SGCZ: variants seen among roughly 807,000 people sequenced by gnomAD.
SGCZ encodes the protein zeta-sarcoglycan.
Under a neutral mutation model 41.3 loss-of-function variants are expected in SGCZ, and 40 were observed. The ratio of observed to expected loss-of-function variants is 0.97; its 90% confidence interval spans 0.75 to 1.26. SGCZ has a LOEUF of 1.26. SGCZ is among the 50% of genes most tolerant of loss of function. The pLI, the probability that SGCZ is intolerant of heterozygous loss-of-function variation, is 0.00. For synonymous variants in SGCZ, 206 were observed against 137.5 expected (o/e 1.50, Z -3.49); for missense variants, 552 against 369.8 (o/e 1.49, Z -4.04).
rs543529831 is a variant in SGCZ, at chr8:14,402,609, C to T, written c.235-78405G>A. ...AGATCAGATAGTTGTAGATATGTGGCGTTATTTCTGAGGGCTCTGTTCTGT... is the reference window on the plus strand; with the variant it reads ...AGATCAGATAGTTGTAGATATGTGGTGTTATTTCTGAGGGCTCTGTTCTGT... On this transcript the variant is annotated intron_variant, in intron 2 of 7. Transcript: ENST00000382080. Among the ~76,000 whole-genome samples the T allele has an allele frequency of 3.2e-4, 46 of 142,270 alleles. 2 individuals are homozygous for T. The South Asian group carries it at 7.7e-3, about 24-fold the overall frequency. The allele number at this position is 142,270 out of a possible 152,430, so 93.3% of individuals were successfully genotyped here.
intron 5 of SGCZ, among the ~76,000 whole-genome samples, chr8:14,129,978 G>A (rs1209046607): frequency 6.6e-6 from 1 of 152,090 alleles, no homozygotes; most frequent in African/African-American, 2.4e-5. Flanking sequence ...GTGCAGATAT[G>A]GAAAACGTGA....
intron 3 of SGCZ, among the ~76,000 whole-genome samples, chr8:14,245,746 C>CA (rs965488196): frequency 4.6e-5 from 7 of 151,702 alleles, no homozygotes; most frequent in Admixed American, 2.0e-4. Flanking sequence ...AACAAATTTA[C>CA]AAAAAAAACC....
At chr8:14,716,602 A>G (rs1809697979) in intron 1 of SGCZ, among the ~76,000 whole-genome samples, 2 of 152,074 alleles carry the variant, frequency 1.3e-5, no homozygotes, top group Admixed American at 6.6e-5. Context: ...TAAATCCAAA[A>G]TTCTATTTGT....
At chr8:14,360,264 C>G (rs1414198238) in intron 2 of SGCZ, among the ~76,000 whole-genome samples, 1 of 151,758 alleles carries the variant, frequency 6.6e-6, no homozygotes, top group Non-Finnish European at 1.5e-5. Flanking sequence ...CTAGCAAGAG[C>G]AATCAGAAAA....
intron 1 of SGCZ, among the ~76,000 whole-genome samples, chr8:15,139,720 G>A (rs1364907027): frequency 6.6e-6 from 1 of 152,044 alleles, no homozygotes; most frequent in Non-Finnish European, 1.5e-5. Flanking sequence ...CTCTAGACCT[G>A]TACATCCTAC....
At chr8:14,750,698 T>C (rs1436760836) in intron 1 of SGCZ, among the ~76,000 whole-genome samples, 1 of 152,192 alleles carries the variant, frequency 6.6e-6, no homozygotes, top group Non-Finnish European at 1.5e-5. Context: ...AGATATGAAC[T>C]AGAATATTTG....
chr8:14,783,952 C>T (rs570233404), intron 1 of SGCZ, among the ~76,000 whole-genome samples: 3 of 151,950 alleles, frequency 2.0e-5, no homozygotes, highest in Non-Finnish European at 2.9e-5. Context: ...CATTCTTGTT[C>T]TTCAGATTTA....
chr8:15,176,405 G>C (rs913267066), intron 1 of SGCZ, among the ~76,000 whole-genome samples: 1 of 151,946 alleles, frequency 6.6e-6, no homozygotes. Context: ...ATAAATACTT[G>C]GCATTTGACG....
At chr8:14,406,684 C>T (rs1313329620) in intron 2 of SGCZ, among the ~76,000 whole-genome samples, 1 of 149,516 alleles carries the variant, frequency 6.7e-6, no homozygotes, top group East Asian at 1.9e-4. Context: ...TTTACCATTG[C>T]CAGGGCAATC....
chr8:14,990,645 T>A (rs755475590), intron 1 of SGCZ, among the ~76,000 whole-genome samples: 8 of 152,220 alleles, frequency 5.3e-5, no homozygotes, highest in Non-Finnish European at 7.4e-5. Context: ...CTCTCACTGA[T>A]TCTACATTTT....
At chr8:15,049,179 G>A (rs1804425811) in intron 1 of SGCZ, among the ~76,000 whole-genome samples, 1 of 152,144 alleles carries the variant, frequency 6.6e-6, no homozygotes, top group Non-Finnish European at 1.5e-5. Flanking sequence ...TAACTGGAAG[G>A]AGAATAGGTA....
intron 1 of SGCZ, among the ~76,000 whole-genome samples, chr8:14,976,729 C>G (rs989892712): frequency 6.6e-6 from 1 of 152,096 alleles, no homozygotes; most frequent in Non-Finnish European, 1.5e-5. Flanking sequence ...AAAACTTACA[C>G]CATCCCACAC....
intron 1 of SGCZ, among the ~76,000 whole-genome samples, chr8:14,557,028 G>A (rs950291748): frequency 2.6e-5 from 4 of 151,968 alleles, no homozygotes; most frequent in African/African-American, 7.2e-5. Context: ...CATAATGTTT[G>A]TACTAGTTTA....
At chr8:14,899,928 G>C (rs1412772109) in intron 1 of SGCZ, among the ~76,000 whole-genome samples, 1 of 152,012 alleles carries the variant, frequency 6.6e-6, no homozygotes, top group Non-Finnish European at 1.5e-5. Flanking sequence ...GAAGTGAGTA[G>C]CTGGTGACCT....
At chr8:14,701,186 C>T (rs549199553) in intron 1 of SGCZ, among the ~76,000 whole-genome samples, 2 of 151,770 alleles carry the variant, frequency 1.3e-5, no homozygotes, top group Non-Finnish European at 2.9e-5. Context: ...TTAAACATTA[C>T]AATAAATATG....
At chr8:14,612,146 G>T (rs1805950151) in intron 1 of SGCZ, among the ~76,000 whole-genome samples, 1 of 151,970 alleles carries the variant, frequency 6.6e-6, no homozygotes, top group African/African-American at 2.4e-5. Context: ...CCTATTATGG[G>T]AAAAGGTGTT....
chr8:14,245,508 G>T (rs1222739871), intron 3 of SGCZ, among the ~76,000 whole-genome samples: 2 of 152,080 alleles, frequency 1.3e-5, no homozygotes, highest in African/African-American at 4.8e-5. Context: ...GAAAACCTAG[G>T]CATTACCATT....
intron 4 of SGCZ, among the ~76,000 whole-genome samples, chr8:14,221,694 G>C (rs1056200896): frequency 2.0e-5 from 3 of 152,078 alleles, no homozygotes; most frequent in African/African-American, 4.8e-5. Flanking sequence ...CCAGCACTTT[G>C]GGAGACCGAG....
chr8:14,997,466 A>T (rs2130905201), intron 1 of SGCZ, among the ~76,000 whole-genome samples: 1 of 152,364 alleles, frequency 6.6e-6, no homozygotes, highest in East Asian at 1.9e-4. Context: ...GAAAGATTAA[A>T]CCAAAAATGT....
Sources: allele counts gnomAD v4.1 joint callset (sites outside exome capture counted in the v4.1 genomes callset), GRCh38; gene constraint gnomAD v4.1.1; transcripts MANE v1.5; gene names NCBI Gene and HGNC (gene_info 2026-07-23, HGNC 2026-07-21).